The following SLC4A8 variants were observed in gnomAD, a reference collection of about 807,000 sequenced individuals.
SLC4A8 encodes electroneutral sodium bicarbonate exchanger 1.
SLC4A8 carries 40 observed loss-of-function variants against 125.0 expected under a neutral mutation model. That is an observed-to-expected ratio of 0.32 (90% CI 0.25 to 0.42). The LOEUF is 0.42. SLC4A8 is among the 10% of genes least tolerant of loss of function. The probability of loss-of-function intolerance (pLI) is 1.00; values close to 1 mark genes in which losing one functional copy is unlikely to be tolerated. For missense variants in SLC4A8, 863 were observed against 1,355.1 expected, an observed-to-expected ratio of 0.64 and a Z score of 5.70; for synonymous variants, 456 against 476.0, an observed-to-expected ratio of 0.96 and a Z score of 0.55.
Position 51,489,688 on chromosome 12 carries a change from G to A in SLC4A8, c.2449-12G>A, listed in dbSNP as rs765489351. ...GCCTACTGATGGTGACAAAGACTCT[G>A]TTTCCCCACAGAAAGGCTGTGGCTA... On this transcript the variant is annotated splice_polypyrimidine_tract_variant and intron_variant, in intron 18 of 24. Coordinates refer to ENST00000453097, the MANE Select transcript of SLC4A8 (RefSeq NM_001039960.3). 2 of 1,613,806 alleles carry A rather than the reference G, an allele frequency of 1.2e-6. No homozygotes were observed. The highest frequency in any genetic ancestry group is 2.2e-5 in the East Asian group (1 of 44,884).
chr12:51,503,030 AC>A (rs1351186258), intron 22 of SLC4A8, among the ~76,000 whole-genome samples: 1 of 150,372 alleles, frequency 6.7e-6, no homozygotes, highest in East Asian at 2.0e-4. Context: ...TTTAGTAGAG[AC>A]GGGGGTTTCA....
At chr12:51,444,120 C>T (rs369180961) in intron 2 of SLC4A8, among the ~76,000 whole-genome samples, 8 of 152,032 alleles carry the variant, frequency 5.3e-5, no homozygotes, top group African/African-American at 1.9e-4. Context: ...GGGATTTGTG[C>T]GAGTTGGTAG....
chr12:51,438,807 G>T (rs945471200), intron 1 of SLC4A8, among the ~76,000 whole-genome samples: 2 of 152,042 alleles, frequency 1.3e-5, no homozygotes, highest in African/African-American at 2.4e-5. Context: ...TTGTCTTTTT[G>T]ATAATAGCCA....
intron 1 of SLC4A8, chr12:51,392,881 G>A (rs984927228): frequency 3.3e-5 from 5 of 152,184 alleles, no homozygotes; most frequent in East Asian, 1.9e-4. Context: ...GAAGGAGCGC[G>A]CATGACTCCA....
At chr12:51,413,768 C>T (rs11169830) in intron 1 of SLC4A8, among the ~76,000 whole-genome samples, 13,206 of 152,070 alleles carry the variant, frequency 0.087, 644 homozygotes, top group East Asian at 0.22. Flanking sequence ...TATTCTGTTT[C>T]GTTGGTCTGT....
chr12:51,485,247 G>A (rs1951132355), intron 16 of SLC4A8, among the ~76,000 whole-genome samples: 1 of 152,150 alleles, frequency 6.6e-6, no homozygotes, highest in Non-Finnish European at 1.5e-5. Context: ...AAAAAACACT[G>A]CAGGGCAAAG....
chr12:51,436,777 C>G (rs1314051100), intron 1 of SLC4A8, among the ~76,000 whole-genome samples: 1 of 152,140 alleles, frequency 6.6e-6, no homozygotes, highest in Non-Finnish European at 1.5e-5. Context: ...TAGGCGTGCA[C>G]CACCACACCC....
At chr12:51,458,732 T>A in intron 7 of SLC4A8, 82 bp downstream of exon 7, 1 of 938,476 alleles carries the variant, frequency 1.1e-6, no homozygotes, top group Non-Finnish European at 1.7e-6. Context: ...GGAATCTGGG[T>A]AAGGTTTAGT....
chr12:51,400,724 CTTTATATATATATATATATA>C (rs1948356960), intron 1 of SLC4A8, among the ~76,000 whole-genome samples: 1 of 54,996 alleles, frequency 1.8e-5, no homozygotes, highest in African/African-American at 8.2e-5. Flanking sequence ...GAATGAACTC[CTTTATATATATATATATATA>C]TATATATATA....
chr12:51,474,897 C>G, intron 15 of SLC4A8, 148 bp from the exon 16 acceptor site: 2 of 706,266 alleles, frequency 2.8e-6, no homozygotes, highest in Non-Finnish European at 4.7e-6. Context: ...AAGACAGCAC[C>G]CCGCAACTGC....
At chr12:51,465,540 G>A (rs968771783) in intron 11 of SLC4A8, among the ~76,000 whole-genome samples, 10 of 152,224 alleles carry the variant, frequency 6.6e-5, no homozygotes, top group South Asian at 2.1e-4. Flanking sequence ...TTCACAAACC[G>A]CAAGTATCTT....
chr12:51,448,848 G>A (rs1235392737), intron 2 of SLC4A8, among the ~76,000 whole-genome samples: 2 of 152,168 alleles, frequency 1.3e-5, no homozygotes, highest in Admixed American at 6.5e-5. Context: ...AGGAAGTGGT[G>A]AGGAAAGGGA....
chr12:51,490,504 A>G (rs563572037), intron 19 of SLC4A8, among the ~76,000 whole-genome samples: 1 of 148,160 alleles, frequency 6.7e-6, no homozygotes, highest in South Asian at 2.2e-4. Flanking sequence ...CGGAGCTTGC[A>G]GTGAGCCGAG....
intron 11 of SLC4A8, among the ~76,000 whole-genome samples, chr12:51,464,501 T>G (rs928667636): frequency 4.0e-5 from 6 of 151,892 alleles, no homozygotes; most frequent in African/African-American, 1.5e-4. Context: ...GTCCCCAGAG[T>G]AGGAGGTTTT....
At position 51,457,341 on chromosome 12, in the gene SLC4A8, T is replaced by C. The variant is rs1950182106; in HGVS notation, c.575-10T>C. 1.2e-6 allele frequency: 2 copies of C among 1,612,026 alleles called. No individual in the cohort carries two copies. Among genetic ancestry groups the C allele is most frequent in the Middle Eastern group, 1.6e-4 (1 of 6,068 alleles). ...CAATCTGAGTGTTCATGTGAGTGCC[T>C]GCTTTCCAGACCTGATCCTGGATCA... On this transcript the variant is annotated splice_polypyrimidine_tract_variant and intron_variant, in intron 5 of 24. Transcript: ENST00000453097.
Position 51,476,254 on chromosome 12 carries a change from G to T in SLC4A8, c.2172+1048G>T, listed in dbSNP as rs570477144. Among the ~76,000 whole-genome samples, 11 of 152,308 alleles carry T rather than the reference G, an allele frequency of 7.2e-5. No homozygotes were observed. In the South Asian group the frequency reaches 2.3e-3, roughly 32 times the overall value. On this transcript the variant is annotated intron_variant, in intron 16 of 24. Coordinates refer to ENST00000453097, the MANE Select transcript of SLC4A8 (RefSeq NM_001039960.3). ...CCCAGCACTTTGGGAGGCCCAGGCG[G>T]GTGGATCATCTGAGGTCAGGAGTTT...
chr12:51,436,169 G>T (rs1309538585), intron 1 of SLC4A8, among the ~76,000 whole-genome samples: 2 of 152,110 alleles, frequency 1.3e-5, no homozygotes, highest in Non-Finnish European at 2.9e-5. Flanking sequence ...GTCCTCAGCC[G>T]CACTGGGAGT....
intron 2 of SLC4A8, among the ~76,000 whole-genome samples, chr12:51,449,122 T>G (rs1949882266): frequency 6.6e-6 from 1 of 152,150 alleles, no homozygotes; most frequent in African/African-American, 2.4e-5. Context: ...GAGAAGAACT[T>G]CTTCCATCTC....
upstream of SLC4A8, among the ~76,000 whole-genome samples, chr12:51,424,037 C>CAAAAAAA (rs35611847): frequency 2.6e-5 from 1 of 38,222 alleles, no homozygotes; most frequent in Non-Finnish European, 4.5e-5. Context: ...ACTTCGTCTC[C>CAAAAAAA]AAAAAAAAAA....
Sources: gnomAD v4.1 joint callset for allele counts (sites outside exome capture counted in the v4.1 genomes callset) on GRCh38, gnomAD v4.1.1 for gene constraint, MANE v1.5 for transcripts, NCBI Gene and HGNC (gene_info 2026-07-23, HGNC 2026-07-21) for gene names.